The following DLC1 variants were observed in gnomAD, a reference collection of about 807,000 sequenced individuals.
DLC1 encodes the protein rho GTPase-activating protein 7.
DLC1 carries 54 observed loss-of-function variants against 140.3 expected under a neutral mutation model. The ratio of observed to expected loss-of-function variants is 0.38; its 90% CI spans 0.31 to 0.48. The LOEUF (loss-of-function observed/expected upper bound fraction) is 0.48, where lower values mean the gene tolerates loss of function less well. Among genes scored for constraint, DLC1 ranks in the 20% least tolerant of loss-of-function variants. The pLI, the probability that DLC1 is intolerant of heterozygous loss-of-function variation, is 0.96. For synonymous variants in DLC1, 986 were observed against 728.1 expected (o/e 1.35, Z -5.70); for missense variants, 2,536 against 1,907.0 (o/e 1.33, Z -6.14).
chr8:13,509,519 T>C (rs1160185341), intron 1 of DLC1, among the ~76,000 whole-genome samples: 3 of 152,236 alleles, frequency 2.0e-5, no homozygotes, highest in Non-Finnish European at 2.9e-5. Context: ...TTTTTCTTAA[T>C]ACCTAAGAAA....
At chr8:13,174,248 C>T (rs1387225549) in intron 5 of DLC1, among the ~76,000 whole-genome samples, 1 of 152,188 alleles carries the variant, frequency 6.6e-6, no homozygotes, top group East Asian at 1.9e-4. Context: ...TCCACATTTT[C>T]TTTATCCAAC....
intron 4 of DLC1, among the ~76,000 whole-genome samples, chr8:13,390,770 G>C (rs1248263686): frequency 6.6e-6 from 1 of 152,106 alleles, no homozygotes; most frequent in Non-Finnish European, 1.5e-5. Flanking sequence ...GGTGGATCAT[G>C]AGGTTAGGAG....
At chr8:13,528,729 T>A (rs1291841794) in intron 1 of DLC1, among the ~76,000 whole-genome samples, 1 of 152,134 alleles carries the variant, frequency 6.6e-6, no homozygotes, top group African/African-American at 2.4e-5. Context: ...ATATTTTGGG[T>A]CTTGAGTAGA....
intron 5 of DLC1, among the ~76,000 whole-genome samples, chr8:13,236,139 A>C (rs923475109): frequency 1.3e-5 from 2 of 152,082 alleles, no homozygotes; most frequent in Non-Finnish European, 2.9e-5. Context: ...AGAATACTGA[A>C]GGTAGAATCT....
intron 1 of DLC1, among the ~76,000 whole-genome samples, chr8:13,556,637 G>A (rs1018594303): frequency 1.3e-5 from 2 of 152,134 alleles, no homozygotes; most frequent in Non-Finnish European, 2.9e-5. Flanking sequence ...AATGTACCAA[G>A]TAGTAGGGCC....
intron 1 of DLC1, among the ~76,000 whole-genome samples, chr8:13,511,956 C>T (rs1280591368): frequency 2.0e-5 from 3 of 151,968 alleles, no homozygotes; most frequent in Non-Finnish European, 4.4e-5. Context: ...TTAAACCATC[C>T]CATAAGTATT....
At chr8:13,560,930 A>G (rs921732143) in intron 1 of DLC1, among the ~76,000 whole-genome samples, 8 of 152,066 alleles carry the variant, frequency 5.3e-5, no homozygotes, top group Non-Finnish European at 1.2e-4. Context: ...CCTTGATTTC[A>G]GTGATAATAT....
chr8:13,186,451 G>T (rs886902434), intron 5 of DLC1, among the ~76,000 whole-genome samples: 3 of 152,038 alleles, frequency 2.0e-5, no homozygotes, highest in Admixed American at 1.3e-4. Context: ...CACTATTGAA[G>T]CTTGTGCATG....
At chr8:13,393,078 T>C (rs1836838775) in intron 4 of DLC1, among the ~76,000 whole-genome samples, 1 of 152,160 alleles carries the variant, frequency 6.6e-6, no homozygotes, top group Non-Finnish European at 1.5e-5. Context: ...TGTCTATCCA[T>C]CCATCTACAT....
intron 5 of DLC1, among the ~76,000 whole-genome samples, chr8:13,166,389 G>A (rs1215184093): frequency 3.9e-5 from 6 of 152,084 alleles, no homozygotes; most frequent in African/African-American, 1.4e-4. Context: ...ATCCCAGGCT[G>A]GAGTACAGCA....
intron 5 of DLC1, among the ~76,000 whole-genome samples, chr8:13,129,555 G>C (rs1018634691): frequency 6.6e-6 from 1 of 152,180 alleles, no homozygotes; most frequent in African/African-American, 2.4e-5. Flanking sequence ...TCTGAGAAAA[G>C]TCAGAGATAC....
At chr8:13,501,682 C>A (rs534865945) in intron 1 of DLC1, among the ~76,000 whole-genome samples, 85 of 152,282 alleles carry the variant, frequency 5.6e-4, no homozygotes, top group African/African-American at 1.7e-3. Context: ...ATTTTAGTAT[C>A]CCAGCCTGAC....
intron 4 of DLC1, among the ~76,000 whole-genome samples, chr8:13,379,706 AT>A (rs1461885113): frequency 6.6e-6 from 1 of 152,154 alleles, no homozygotes; most frequent in Non-Finnish European, 1.5e-5. Context: ...TTACATAGGT[AT>A]AAATGTGCCA....
chr8:13,193,081 A>G (rs563833692), intron 5 of DLC1, among the ~76,000 whole-genome samples: 9 of 152,190 alleles, frequency 5.9e-5, no homozygotes, highest in Admixed American at 4.6e-4. Context: ...TTCCTATCCA[A>G]TCCAACTCAG....
At chr8:13,131,806 AGCTAGCAG>A (rs1354151915) in intron 5 of DLC1, among the ~76,000 whole-genome samples, 7 of 152,206 alleles carry the variant, frequency 4.6e-5, no homozygotes, top group African/African-American at 1.7e-4. Context: ...AAGTTCGCCC[AGCTAGCAG>A]GCTGCTGACC....
At chr8:13,548,904 G>C (rs531476101) in intron 1 of DLC1, among the ~76,000 whole-genome samples, 1 of 152,040 alleles carries the variant, frequency 6.6e-6, no homozygotes, top group African/African-American at 2.4e-5. Flanking sequence ...GAAAAATGTT[G>C]GCATGAATTC....
chr8:13,459,097 A>G (rs289540), intron 2 of DLC1, among the ~76,000 whole-genome samples: 5,641 of 152,318 alleles, frequency 0.037, 367 homozygotes, highest in African/African-American at 0.13. Context: ...CTAATGAACC[A>G]TAGTTTGATT....
Position 13,567,770 on chromosome 8 carries a change from T to A in DLC1, c.-126+36767A>T, listed in dbSNP as rs558609269. Reference sequence around the variant, plus strand: ...CCCAGGCTTTCAGATGACCCCAGAATAATCTGGAAAAGACTGACTGAGAAA... The same window carrying A: ...CCCAGGCTTTCAGATGACCCCAGAAAAATCTGGAAAAGACTGACTGAGAAA... On this transcript the variant is annotated intron_variant, in intron 1 of 1. Transcript: ENST00000631382. The A allele has an allele frequency of 1.7e-5, 27 of 1,551,982 alleles. No homozygotes were observed. In the East Asian group the frequency reaches 2.9e-4, roughly 17 times the overall value.
At chr8:13,438,785 G>C (rs970053990) in intron 2 of DLC1, among the ~76,000 whole-genome samples, 1 of 152,052 alleles carries the variant, frequency 6.6e-6, no homozygotes, top group Non-Finnish European at 1.5e-5. Context: ...CAAAACAGCC[G>C]CCTCCTTTCC....
Sources: gnomAD v4.1 joint callset for allele counts (sites outside exome capture counted in the v4.1 genomes callset) on GRCh38, gnomAD v4.1.1 for gene constraint, MANE v1.5 for transcripts, NCBI Gene and HGNC (gene_info 2026-07-23, HGNC 2026-07-21) for gene names.